DPYD: variants seen among roughly 807,000 people sequenced by gnomAD.
DPYD encodes the protein dihydropyrimidine dehydrogenase.
DPYD carries 109 observed loss-of-function variants against 116.2 expected under a neutral mutation model. The ratio of observed to expected loss-of-function variants is 0.94; its 90% CI spans 0.80 to 1.10. DPYD has a LOEUF of 1.10. DPYD is among the 50% of genes least tolerant of loss of function. The probability of loss-of-function intolerance (pLI) is 0.00; values close to 1 mark genes in which losing one functional copy is unlikely to be tolerated. For missense variants in DPYD, 1,302 were observed against 1,254.5 expected (o/e 1.04, Z -0.57); for synonymous variants, 440 against 432.0 (o/e 1.02, Z -0.23).
chr1:97,845,703 G>A (rs1427819369), intron 2 of DPYD, among the ~76,000 whole-genome samples: 2 of 152,198 alleles, frequency 1.3e-5, no homozygotes, highest in African/African-American at 4.8e-5. Context: ...GCCAGGTTGT[G>A]GGAGACATGA....
At chr1:97,309,239 G>A (rs1355260874) in intron 16 of DPYD, among the ~76,000 whole-genome samples, 8 of 151,560 alleles carry the variant, frequency 5.3e-5, no homozygotes, top group African/African-American at 1.5e-4. Context: ...AAACGTCTAC[G>A]TAGATCACAA....
At chr1:97,330,201 A>G (rs543210808) in intron 16 of DPYD, among the ~76,000 whole-genome samples, 8 of 152,176 alleles carry the variant, frequency 5.3e-5, no homozygotes, top group Non-Finnish European at 8.8e-5. Context: ...TCCTGGCTTT[A>G]AAAGAAATCA....
At chr1:97,360,043 C>T (rs1465410220) in intron 16 of DPYD, among the ~76,000 whole-genome samples, 1 of 152,030 alleles carries the variant, frequency 6.6e-6, no homozygotes, top group Non-Finnish European at 1.5e-5. Context: ...CATCAGTGTG[C>T]TGTATTCAGG....
At chr1:97,441,040 A>G (rs1675765843) in intron 14 of DPYD, among the ~76,000 whole-genome samples, 1 of 152,136 alleles carries the variant, frequency 6.6e-6, no homozygotes, top group African/African-American at 2.4e-5. Context: ...TCTGACAATT[A>G]ATCACACTAG....
At chr1:97,438,354 AGTATAT>A (rs1016883194) in intron 14 of DPYD, among the ~76,000 whole-genome samples, 19 of 152,060 alleles carry the variant, frequency 1.2e-4, no homozygotes, top group Admixed American at 2.6e-4. Flanking sequence ...CTATGAATAC[AGTATAT>A]TCTTCCATTT....
intron 2 of DPYD, among the ~76,000 whole-genome samples, chr1:97,850,510 T>C (rs1670517299): frequency 6.6e-6 from 1 of 152,184 alleles, no homozygotes; most frequent in Non-Finnish European, 1.5e-5. Context: ...ACAGTCCTTT[T>C]ATCTCATATG....
chr1:97,522,332 G>A (rs528724952), intron 12 of DPYD, among the ~76,000 whole-genome samples: 2 of 152,180 alleles, frequency 1.3e-5, no homozygotes, highest in African/African-American at 4.8e-5. Flanking sequence ...TGTCATCATA[G>A]TCGGCTGTAC....
chr1:97,081,721 T>TCTTTTC (rs112491644), intron 22 of DPYD, among the ~76,000 whole-genome samples: 4 of 91,582 alleles, frequency 4.4e-5, no homozygotes, highest in African/African-American at 1.2e-4. Flanking sequence ...TCTTTTCTTT[T>TCTTTTC]TTTTTTTTTT....
chr1:97,554,376 G>A (rs1015507501), intron 11 of DPYD, among the ~76,000 whole-genome samples: 2 of 152,052 alleles, frequency 1.3e-5, no homozygotes, highest in Non-Finnish European at 2.9e-5. Context: ...TCATAATGAA[G>A]AAGGATTATT....
At chr1:97,169,999 A>G (rs925705157) in intron 20 of DPYD, among the ~76,000 whole-genome samples, 1 of 152,184 alleles carries the variant, frequency 6.6e-6, no homozygotes, top group Non-Finnish European at 1.5e-5. Flanking sequence ...TTATCCTGGG[A>G]ATTCTTCTTT....
chr1:97,079,856 G>A (rs906621958), intron 22 of DPYD, among the ~76,000 whole-genome samples: 3 of 151,862 alleles, frequency 2.0e-5, no homozygotes, highest in Non-Finnish European at 2.9e-5. Flanking sequence ...TCCTTCCCCC[G>A]TCTTCCTCTA....
chr1:97,688,071 G>A (rs1207603879), intron 7 of DPYD, among the ~76,000 whole-genome samples: 1 of 152,126 alleles, frequency 6.6e-6, no homozygotes, highest in Non-Finnish European at 1.5e-5. Flanking sequence ...AAACCACCAT[G>A]TCACACGTTT....
intron 11 of DPYD, among the ~76,000 whole-genome samples, chr1:97,569,817 A>C (rs1329545105): frequency 1.3e-5 from 2 of 152,002 alleles, no homozygotes; most frequent in African/African-American, 2.4e-5. Context: ...TCGGCACATA[A>C]CATATTCCAT....
chr1:97,279,439 G>C (rs991905155), intron 18 of DPYD, among the ~76,000 whole-genome samples: 2 of 152,170 alleles, frequency 1.3e-5, no homozygotes, highest in Non-Finnish European at 2.9e-5. Context: ...TTGGACCCCA[G>C]TTTCCATCAC....
intron 22 of DPYD, among the ~76,000 whole-genome samples, chr1:97,081,713 T>A (rs1232245963): frequency 7.2e-6 from 1 of 138,314 alleles, no homozygotes; most frequent in Non-Finnish European, 1.6e-5. Context: ...TTTTCTTTTC[T>A]TTTCTTTTTT....
chr1:97,729,054 T>C (rs1663434614), intron 4 of DPYD, among the ~76,000 whole-genome samples: 1 of 152,130 alleles, frequency 6.6e-6, no homozygotes, highest in Non-Finnish European at 1.5e-5. Flanking sequence ...CTTTATACAA[T>C]ATGATTCATT....
intron 8 of DPYD, among the ~76,000 whole-genome samples, chr1:97,669,880 C>T (rs1659763499): frequency 6.6e-6 from 1 of 152,112 alleles, no homozygotes; most frequent in African/African-American, 2.4e-5. Flanking sequence ...TTTTCCTTTT[C>T]TCTTACTAAC....
At chr1:97,301,647 T>C (rs1281344302) in intron 18 of DPYD, among the ~76,000 whole-genome samples, 2 of 151,914 alleles carry the variant, frequency 1.3e-5, no homozygotes, top group African/African-American at 4.8e-5. Flanking sequence ...ATTCACCCCA[T>C]TGAAAAATGC....
chr1:97,563,290 A>G (rs1652295062), intron 11 of DPYD, among the ~76,000 whole-genome samples: 1 of 152,184 alleles, frequency 6.6e-6, no homozygotes, highest in Non-Finnish European at 1.5e-5. Context: ...ACTATACTAT[A>G]AGCTAACTAG....
Sources: gnomAD v4.1 joint callset for allele counts (sites outside exome capture counted in the v4.1 genomes callset) on GRCh38, gnomAD v4.1.1 for gene constraint, MANE v1.5 for transcripts, NCBI Gene and HGNC (gene_info 2026-07-23, HGNC 2026-07-21) for gene names.